The following NOP14 variants were observed in gnomAD, a reference collection of about 807,000 sequenced individuals.
NOP14 encodes the protein nucleolar protein 14.
In NOP14, 57 loss-of-function variants were observed where a neutral mutation model predicts 101.6. The ratio of observed to expected loss-of-function variants is 0.56; its 90% CI spans 0.45 to 0.70. The LOEUF is 0.70. Ranked by LOEUF, NOP14 falls within the 30% of genes least tolerant of loss-of-function variation. The probability of loss-of-function intolerance (pLI) is 0.00; values close to 1 mark genes in which losing one functional copy is unlikely to be tolerated. For missense variants in NOP14, 1,134 were observed against 1,075.5 expected (o/e 1.05, Z -0.76); for synonymous variants, 428 against 424.0 (o/e 1.01, Z -0.12).
intron 2 of NOP14, among the ~76,000 whole-genome samples, chr4:2,957,296 G>A (rs750680879): frequency 7.9e-5 from 12 of 152,042 alleles, no homozygotes; most frequent in Non-Finnish European, 1.8e-4. Flanking sequence ...CACCGCGCCC[G>A]GCCTCATGGA....
At chr4:2,956,603 G>A (rs1307550398) in intron 3 of NOP14, 67 bp downstream of exon 3, 14 of 1,467,086 alleles carry the variant, frequency 9.5e-6, no homozygotes, top group Middle Eastern at 1.8e-4. Context: ...AGAGCAGAAG[G>A]TCTAACAATG....
intron 8 of NOP14, among the ~76,000 whole-genome samples, chr4:2,949,534 A>G (rs555812097): frequency 6.6e-6 from 1 of 152,266 alleles, no homozygotes; most frequent in Non-Finnish European, 1.5e-5. Flanking sequence ...ACTAGACAAA[A>G]CAACACTGTA....
chr4:2,950,831 G>A (rs908357513), intron 7 of NOP14: 1 of 311,894 alleles, frequency 3.2e-6, no homozygotes, highest in African/African-American at 2.1e-5. Context: ...AACAAAAGTA[G>A]TTGATGTTAA....
intron 12 of NOP14, 91 bp downstream of exon 12, chr4:2,945,037 A>T (rs1372552008): frequency 2.3e-6 from 2 of 862,326 alleles, no homozygotes; most frequent in Non-Finnish European, 3.7e-6. Context: ...TTAAACAGCC[A>T]CACTCATGTT....
intron 11 of NOP14, 77 bp downstream of exon 11, chr4:2,946,335 G>T: frequency 6.5e-7 from 1 of 1,542,314 alleles, no homozygotes; most frequent in African/African-American, 1.4e-5. Flanking sequence ...CAAGAGCATC[G>T]TACCCGTCGT....
chr4:2,943,439 G>C (rs1389192181), intron 13 of NOP14, among the ~76,000 whole-genome samples: 1 of 152,242 alleles, frequency 6.6e-6, no homozygotes, highest in African/African-American at 2.4e-5. Flanking sequence ...CCCCCCAGAG[G>C]GAAGCAGCAA....
intron 3 of NOP14, among the ~76,000 whole-genome samples, chr4:2,955,562 C>G (rs543657377): frequency 1.3e-4 from 19 of 143,690 alleles, no homozygotes; most frequent in Non-Finnish European, 2.0e-4. Context: ...GTCACCTGCA[C>G]GCCACGGCGC....
intron 7 of NOP14, chr4:2,950,723 A>G (rs1216781329): frequency 5.1e-6 from 1 of 195,684 alleles, no homozygotes; most frequent in Non-Finnish European, 1.1e-5. Context: ...AGTCATGGAA[A>G]CTCAATGACA....
chr4:2,963,028 C>G (rs1716225711), intron 1 of NOP14, 97 bp downstream of exon 1: 3 of 1,280,484 alleles, frequency 2.3e-6, no homozygotes, highest in Non-Finnish European at 2.1e-6. Flanking sequence ...CTGTGCCGCT[C>G]AACGAGGAAA....
At chr4:2,956,636 G>A (rs537025797) in intron 3 of NOP14, 34 bp downstream of exon 3, 69 of 1,580,156 alleles carry the variant, frequency 4.4e-5, no homozygotes, top group South Asian at 3.9e-4. Flanking sequence ...CTGACTCCAC[G>A]CCCACAGGCC....
At chr4:2,945,013 G>GT in intron 12 of NOP14, 115 bp downstream of exon 12, 1 of 690,184 alleles carries the variant, frequency 1.4e-6, no homozygotes, top group Non-Finnish European at 2.4e-6. Context: ...CGCAGTGCTC[G>GT]GTCTCTGCAG....
chr4:2,950,607 C>CGTATCA, intron 7 of NOP14: 1 of 214,660 alleles, frequency 4.7e-6, no homozygotes, highest in East Asian at 1.1e-4. Flanking sequence ...ATCTCTTCTG[C>CGTATCA]TTGAAACCTG....
intron 17 of NOP14, 115 bp downstream of exon 17, chr4:2,939,073 C>A (rs537877158): frequency 1.0e-5 from 16 of 1,531,208 alleles, no homozygotes; most frequent in Non-Finnish European, 1.4e-5. Flanking sequence ...CTGGCTCCAA[C>A]CCCCAGCCAG....
At chr4:2,956,262 A>G (rs1715337306) in intron 3 of NOP14, among the ~76,000 whole-genome samples, 1 of 152,200 alleles carries the variant, frequency 6.6e-6, no homozygotes, top group Admixed American at 6.5e-5. Flanking sequence ...ATTAGGCTGG[A>G]ATTGATAAAG....
At chr4:2,956,599 G>A in intron 3 of NOP14, 71 bp downstream of exon 3, 5 of 1,427,444 alleles carry the variant, frequency 3.5e-6, no homozygotes, top group South Asian at 1.4e-5. Flanking sequence ...AAGAAGAGCA[G>A]AAGGTCTAAC....
At position 2,939,338 on chromosome 4, in the gene NOP14, T is replaced by C. The variant is rs370094389; in HGVS notation, c.2324A>G (p.Glu775Gly). 1 of 1,613,932 alleles carries C rather than the reference T, an allele frequency of 6.2e-7. No individual in the cohort carries two copies. The highest frequency in any genetic ancestry group is 8.5e-7 in the Non-Finnish European group (1 of 1,180,034). Residue 775 changes from glutamate (E) to glycine (G), a missense_variant, in exon 17 of 18, where the codon GAG becomes GGG. Physicochemically the swap from Glu to Gly is moderately conservative, Grantham distance 98. Transcript: ENST00000416614. ...ACTACTGCCTTGTTTTCTTCCAAAC[T>C]CGAGGCTACAACCAGAAAGCCACTG... ...LFTPRLVKVL[E>G]FGRKQGSSKE...
At chr4:2,944,366 T>A (rs377070896) in intron 12 of NOP14, 140 bp from the exon 13 acceptor site, 4 of 558,422 alleles carry the variant, frequency 7.2e-6, no homozygotes, top group East Asian at 3.1e-5. Context: ...TATAGCAGTG[T>A]CGAGAGCATC....
chr4:2,953,465 C>T (rs1475976), intron 5 of NOP14, 46 bp downstream of exon 5: 1 of 1,607,348 alleles, frequency 6.2e-7, no homozygotes, highest in East Asian at 2.2e-5. Flanking sequence ...AAGTCGGTCA[C>T]CCAAGCTCAG....
In NOP14 at chr4:2,952,303, T is replaced by A; in HGVS notation, c.842A>T (p.Glu281Val). ...CAGCTTCCTGAGGTGCTCCTGCTCT[T>A]CCTTTGCCAATTCTGCCTCCGTCTT... ...RMKTEAELAK[E>V]EQEHLRKLEA... The change falls in exon 6 of 18, where the codon GAA (glutamate) becomes GTA (valine). Residue 281 changes from glutamate to valine, a missense_variant. Transcript: ENST00000416614. The A allele has an allele frequency of 1.2e-6, 2 of 1,613,892 alleles. No homozygotes were observed. Among genetic ancestry groups the A allele is most frequent in the Non-Finnish European group, 1.7e-6 (2 of 1,179,866 alleles).
Sources: allele counts gnomAD v4.1 joint callset (sites outside exome capture counted in the v4.1 genomes callset), GRCh38; gene constraint gnomAD v4.1.1; transcripts MANE v1.5; gene names NCBI Gene and HGNC (gene_info 2026-07-23, HGNC 2026-07-21).